Variants in TRDN observed in about 807,000 individuals in gnomAD.
The protein encoded by TRDN is triadin in skeletal muscle.
TRDN carries 161 observed loss-of-function variants against 149.7 expected under a neutral mutation model. The observed-to-expected ratio is 1.08, with a 90% CI of 0.95 to 1.23. The LOEUF is 1.23. Ranked by LOEUF, TRDN falls within the 50% of genes most tolerant of loss-of-function variation. The probability of loss-of-function intolerance (pLI) is 0.00; values close to 1 mark genes in which losing one functional copy is unlikely to be tolerated. For synonymous variants in TRDN, 294 were observed against 250.5 expected (o/e 1.17, Z -1.64); for missense variants, 896 against 823.5 (o/e 1.09, Z -1.08).
intron 21 of TRDN, among the ~76,000 whole-genome samples, chr6:123,343,499 A>G (rs756269265): frequency 6.6e-5 from 10 of 151,960 alleles, no homozygotes; most frequent in Non-Finnish European, 1.0e-4. Context: ...ATTGAATATA[A>G]GAAAAAATGT....
intron 38 of TRDN, among the ~76,000 whole-genome samples, chr6:123,226,066 C>T (rs1775349697): frequency 6.6e-6 from 1 of 151,616 alleles, no homozygotes; most frequent in Admixed American, 6.6e-5. Context: ...AAGAACACAA[C>T]AGAAAAAGAA....
At chr6:123,329,278 T>G (rs1361554356) in intron 23 of TRDN, among the ~76,000 whole-genome samples, 1 of 152,190 alleles carries the variant, frequency 6.6e-6, no homozygotes, top group East Asian at 1.9e-4. Flanking sequence ...TATTTAAGTA[T>G]TATAAGATTA....
chr6:123,465,074 A>G (rs1776707765), intron 9 of TRDN, 91 bp from the exon 10 acceptor site: 1 of 1,294,288 alleles, frequency 7.7e-7, no homozygotes, highest in Non-Finnish European at 1.1e-6. Flanking sequence ...CCCTACATGC[A>G]TAATTCATAA....
intron 1 of TRDN, among the ~76,000 whole-genome samples, chr6:123,612,686 C>T (rs1232116014): frequency 1.3e-5 from 2 of 150,534 alleles, no homozygotes; most frequent in African/African-American, 5.0e-5. Context: ...TACAGGCACG[C>T]ACCACTGTGC....
At chr6:123,301,048 C>T (rs1405094665) in intron 24 of TRDN, among the ~76,000 whole-genome samples, 1 of 151,892 alleles carries the variant, frequency 6.6e-6, no homozygotes, top group Non-Finnish European at 1.5e-5. Context: ...ATGAAATGAA[C>T]CTACAAAAAT....
At chr6:123,539,056 T>C (rs552620477) in intron 4 of TRDN, among the ~76,000 whole-genome samples, 2 of 152,330 alleles carry the variant, frequency 1.3e-5, no homozygotes, top group Admixed American at 1.3e-4. Flanking sequence ...TGTCTGTACA[T>C]GAGAATTATC....
chr6:123,474,325 A>G (rs960184451), intron 9 of TRDN, among the ~76,000 whole-genome samples: 3 of 152,168 alleles, frequency 2.0e-5, no homozygotes, highest in African/African-American at 7.2e-5. Flanking sequence ...TTAAACCAAC[A>G]AAGATCAAAA....
intron 9 of TRDN, among the ~76,000 whole-genome samples, chr6:123,496,037 ATAT>A (rs1246537038): frequency 2.0e-5 from 3 of 147,408 alleles, no homozygotes; most frequent in Non-Finnish European, 3.0e-5. Context: ...TATTATTAAT[ATAT>A]TATTAATAAT....
rs1439829024 is a variant in TRDN at position 123,218,298 on chromosome 6, C to A, written c.*303G>T. On this transcript the variant is annotated 3_prime_UTR_variant, in exon 41 of 41. Transcript: ENST00000334268. Reference sequence around the variant, plus strand: ...ATTGTGTCAATTATTTTAAAGATACCATTATTAAGTAAACTTTAAATTAGT... The same window carrying A: ...ATTGTGTCAATTATTTTAAAGATACAATTATTAAGTAAACTTTAAATTAGT... 1.5e-5 allele frequency: 3 copies of A among 197,230 alleles called. No individual in the cohort carries two copies. The highest frequency in any genetic ancestry group is 2.0e-5 in the Non-Finnish European group (2 of 98,304). 12.2% of individuals were successfully genotyped at this position (197,230 alleles called of 1,614,324 possible). A position where few individuals can be genotyped will look rare whatever the true frequency, so the allele number is the denominator to read the frequency against.
At chr6:123,232,354 G>A (rs1040865794) in intron 38 of TRDN, among the ~76,000 whole-genome samples, 4 of 152,102 alleles carry the variant, frequency 2.6e-5, no homozygotes, top group Non-Finnish European at 5.9e-5. Context: ...TTGGAACGCT[G>A]TGTTGAACTT....
At chr6:123,586,849 G>T (rs1562408777) in intron 1 of TRDN, among the ~76,000 whole-genome samples, 1 of 151,980 alleles carries the variant, frequency 6.6e-6, no homozygotes, top group Non-Finnish European at 1.5e-5. Context: ...AGCGGGAAAG[G>T]GGTCGGGGCA....
At chr6:123,282,989 A>T (rs560518448) in intron 24 of TRDN, among the ~76,000 whole-genome samples, 1 of 151,916 alleles carries the variant, frequency 6.6e-6, no homozygotes, top group African/African-American at 2.4e-5. Flanking sequence ...GGACATTATA[A>T]ATTTTATAAT....
chr6:123,582,207 A>G (rs1783155717), intron 1 of TRDN, among the ~76,000 whole-genome samples: 1 of 152,156 alleles, frequency 6.6e-6, no homozygotes, highest in Non-Finnish European at 1.5e-5. Context: ...TGAGGGGCAG[A>G]TCATAGGCAG....
intron 14 of TRDN, among the ~76,000 whole-genome samples, chr6:123,384,528 C>T (rs1477741778): frequency 6.6e-6 from 1 of 152,106 alleles, no homozygotes; most frequent in Non-Finnish European, 1.5e-5. Context: ...TTTCCAATCC[C>T]TATATTCTCT....
At chr6:123,357,526 G>A (rs1780730139) in intron 20 of TRDN, among the ~76,000 whole-genome samples, 1 of 152,058 alleles carries the variant, frequency 6.6e-6, no homozygotes, top group African/African-American at 2.4e-5. Flanking sequence ...AGCCAAATTA[G>A]AGCTACACTT....
At chr6:123,570,864 C>T in intron 2 of TRDN, 59 bp downstream of exon 2, 1 of 1,504,344 alleles carries the variant, frequency 6.6e-7, no homozygotes, top group Non-Finnish European at 9.2e-7. Flanking sequence ...CTGGAGGGGA[C>T]ACTGTTTCTT....
At chr6:123,329,208 AT>A (rs1779576116) in intron 23 of TRDN, among the ~76,000 whole-genome samples, 1 of 152,154 alleles carries the variant, frequency 6.6e-6, no homozygotes, top group Non-Finnish European at 1.5e-5. Flanking sequence ...GCATAACCAG[AT>A]TTAAGAGAAT....
intron 20 of TRDN, among the ~76,000 whole-genome samples, chr6:123,364,244 G>A (rs542286717): frequency 8.5e-5 from 13 of 152,188 alleles, no homozygotes; most frequent in African/African-American, 1.2e-4. Flanking sequence ...GATGCAGAGC[G>A]CAGAGTCTAT....
intron 13 of TRDN, 150 bp downstream of exon 13, chr6:123,393,474 C>T (rs984770705): frequency 5.7e-6 from 4 of 695,894 alleles, no homozygotes; most frequent in Non-Finnish European, 9.0e-6. Context: ...TAAATAAATA[C>T]TTGAACTGTG....
Sources: gnomAD v4.1 joint callset for allele counts (sites outside exome capture counted in the v4.1 genomes callset) on GRCh38, gnomAD v4.1.1 for gene constraint, MANE v1.5 for transcripts, NCBI Gene and HGNC (gene_info 2026-07-23, HGNC 2026-07-21) for gene names.